RABGAP1: variants seen among roughly 807,000 people sequenced by gnomAD.
RABGAP1 encodes rab GTPase-activating protein 1.
Under a neutral mutation model 137.6 loss-of-function variants are expected in RABGAP1, and 23 were observed. The ratio of observed to expected loss-of-function variants is 0.17; its 90% CI spans 0.12 to 0.24. RABGAP1 has a LOEUF of 0.24. RABGAP1 is among the 10% of genes least tolerant of loss of function. RABGAP1 has a pLI of 1.00. For missense variants in RABGAP1, 906 were observed against 1,275.8 expected (o/e 0.71, Z 4.42); for synonymous variants, 451 against 450.7 (o/e 1.00, Z -0.01).
intron 11 of RABGAP1, among the ~76,000 whole-genome samples, chr9:123,014,970 A>G (rs2031106811): frequency 6.6e-6 from 1 of 152,132 alleles, no homozygotes; most frequent in South Asian, 2.1e-4. Flanking sequence ...CGCCCCCATG[A>G]TTCAGTTACC....
At position 122,998,734 on chromosome 9, in the gene RABGAP1, A is replaced by G. The variant is rs148377048; in HGVS notation, c.1342A>G (p.Thr448Ala). The change falls in exon 10 of 26, where the codon ACT becomes GCT. Residue 448 changes from threonine (T) to alanine (A), a missense_variant. Transcript: ENST00000373647. ...ATTCTGGCCCTTCAGCAAACGTAGT[A>G]CTACTGAAAATTTCTTTTTGAAACT... Reference protein sequence around the residue: ...RLFWPFSKRSTTENFFLKLKQ... With the variant: ...RLFWPFSKRSATENFFLKLKQ... 2 of 1,604,252 alleles carry G rather than the reference A, an allele frequency of 1.2e-6. No individual in the cohort carries two copies. The highest frequency in any genetic ancestry group is 8.5e-7 in the Non-Finnish European group (1 of 1,175,738).
At chr9:122,974,817 CT>C (rs1395764798) in intron 2 of RABGAP1, among the ~76,000 whole-genome samples, 1 of 151,980 alleles carries the variant, frequency 6.6e-6, no homozygotes, top group African/African-American at 2.4e-5. Flanking sequence ...TTGTTTGGTT[CT>C]TCCTTCATAG....
chr9:123,021,788 T>A (rs2031656037), intron 13 of RABGAP1, among the ~76,000 whole-genome samples: 1 of 152,230 alleles, frequency 6.6e-6, no homozygotes. Context: ...TTAGCTAGTA[T>A]TTATCGTTGA....
chr9:122,996,703 A>G, intron 8 of RABGAP1, 98 bp downstream of exon 8: 1 of 1,025,078 alleles, frequency 9.8e-7, no homozygotes, highest in Non-Finnish European at 1.4e-6. Flanking sequence ...CATGTTTAAG[A>G]AGGTGATCTT....
At chr9:122,989,880 G>C (rs1836576006) in intron 5 of RABGAP1, 176 bp from the exon 6 acceptor site, 1 of 650,970 alleles carries the variant, frequency 1.5e-6, no homozygotes, top group African/African-American at 1.8e-5. Context: ...AAAACCCCTT[G>C]TCTGGACATT....
At chr9:122,996,733 T>C in intron 8 of RABGAP1, 128 bp downstream of exon 8, 1 of 780,408 alleles carries the variant, frequency 1.3e-6, no homozygotes, top group Non-Finnish European at 2.0e-6. Context: ...AAAGACAACA[T>C]GCAAAGGTAA....
intron 13 of RABGAP1, among the ~76,000 whole-genome samples, chr9:123,028,128 T>C (rs992520797): frequency 6.6e-6 from 1 of 152,252 alleles, no homozygotes. Context: ...CAATTTCATA[T>C]GCCTCGACCT....
At chr9:122,937,182 A>G (rs930774377), upstream of RABGAP1, among the ~76,000 whole-genome samples, 1 of 152,272 alleles carries the variant, frequency 6.6e-6, no homozygotes, top group African/African-American at 2.4e-5. Context: ...ACAAATAAAC[A>G]GGAAAGTATG....
chr9:123,072,649 A>G (rs146463793), intron 15 of RABGAP1, among the ~76,000 whole-genome samples: 1 of 152,332 alleles, frequency 6.6e-6, no homozygotes, highest in East Asian at 1.9e-4. Context: ...CTTCCATGAC[A>G]AAGACTTCAA....
At chr9:122,935,955 G>GT (rs911993984), upstream of RABGAP1, among the ~76,000 whole-genome samples, 59 of 149,496 alleles carry the variant, frequency 3.9e-4, no homozygotes, top group Admixed American at 1.5e-3. Context: ...TTCCATGACA[G>GT]TTTTTTTTTT....
At chr9:122,948,962 C>T (rs1322840029) in intron 1 of RABGAP1, among the ~76,000 whole-genome samples, 1 of 152,202 alleles carries the variant, frequency 6.6e-6, no homozygotes, top group African/African-American at 2.4e-5. Flanking sequence ...ACATAAGACC[C>T]CTGTCCACAA....
chr9:122,997,915 A>G (rs1837118428), intron 9 of RABGAP1, among the ~76,000 whole-genome samples: 1 of 152,022 alleles, frequency 6.6e-6, no homozygotes, highest in Non-Finnish European at 1.5e-5. Context: ...GTTTTTTGTT[A>G]TTAATAGCAC....
intron 13 of RABGAP1, among the ~76,000 whole-genome samples, chr9:123,043,909 T>A (rs995587944): frequency 1.3e-5 from 2 of 149,574 alleles, no homozygotes; most frequent in Non-Finnish European, 3.0e-5. Context: ...TCTTTTTTTT[T>A]TTTTTTTTTG....
the RABGAP1 span, among the ~76,000 whole-genome samples, chr9:122,934,602 A>T: frequency 6.6e-6 from 1 of 152,082 alleles, no homozygotes; most frequent in Non-Finnish European, 1.5e-5. Flanking sequence ...CCTGAGCTCA[A>T]GTGGTCTTCT....
At chr9:123,071,646 A>G (rs1241770444) in intron 15 of RABGAP1, 9 of 152,256 alleles carry the variant, frequency 5.9e-5, no homozygotes, top group Admixed American at 3.9e-4. Context: ...TAAGATTGTA[A>G]CAAGGGAGTC....
chr9:123,069,658 A>T (rs2034289787), intron 14 of RABGAP1, among the ~76,000 whole-genome samples: 1 of 151,854 alleles, frequency 6.6e-6, no homozygotes, highest in African/African-American at 2.4e-5. Context: ...AGGTAGGAGG[A>T]TAGTCTGAGC....
chr9:123,010,546 C>G lies in RABGAP1; in HGVS notation c.1549+18C>G. Reference sequence around the variant, plus strand: ...AGAGGAAGGTAAACTGTAGGGATAGCTTAATTTATTTTTGGGGGTGGAAGA... The same window carrying G: ...AGAGGAAGGTAAACTGTAGGGATAGGTTAATTTATTTTTGGGGGTGGAAGA... On this transcript the variant is annotated intron_variant, in intron 11 of 25. Coordinates refer to ENST00000373647, the MANE Select transcript of RABGAP1 (RefSeq NM_012197.4). 1.9e-6 allele frequency: 3 copies of G among 1,601,278 alleles called. No homozygotes were observed. The highest frequency in any genetic ancestry group is 2.6e-6 in the Non-Finnish European group (3 of 1,170,580).
At chr9:123,003,584 T>C in intron 10 of RABGAP1, among the ~76,000 whole-genome samples, 1 of 152,248 alleles carries the variant, frequency 6.6e-6, no homozygotes, top group East Asian at 1.9e-4. Context: ...TGTAAATGCT[T>C]TTTAAGACCT....
At chr9:122,956,986 T>A (rs1834563493) in intron 1 of RABGAP1, 25 bp from the exon 2 acceptor site, 1 of 1,204,832 alleles carries the variant, frequency 8.3e-7, no homozygotes, top group Admixed American at 2.9e-5. Context: ...TCTATATGAG[T>A]ATCTTTATGG....
Sources: allele counts gnomAD v4.1 joint callset (sites outside exome capture counted in the v4.1 genomes callset), GRCh38; gene constraint gnomAD v4.1.1; transcripts MANE v1.5; gene names NCBI Gene and HGNC (gene_info 2026-07-23, HGNC 2026-07-21).